SLC11A2: variants seen among roughly 807,000 people sequenced by gnomAD.
SLC11A2 encodes natural resistance-associated macrophage protein 2.
A neutral mutation model predicts 68.0 loss-of-function variants in SLC11A2; 38 were observed. The ratio of observed to expected loss-of-function variants is 0.56; its 90% confidence interval spans 0.43 to 0.73. SLC11A2 has a LOEUF of 0.73. SLC11A2 is among the 30% of genes least tolerant of loss of function. The pLI, the probability that SLC11A2 is intolerant of heterozygous loss-of-function variation, is 0.00. For synonymous variants in SLC11A2, 242 were observed against 250.6 expected (o/e 0.97, Z 0.32); for missense variants, 517 against 690.5 (o/e 0.75, Z 2.82).
chr12:50,981,755 T>C (rs922878721), downstream of SLC11A2: 17 of 1,536,096 alleles, frequency 1.1e-5, no homozygotes, highest in African/African-American at 1.6e-4. Flanking sequence ...TCAGCGTCCA[T>C]GGTGTTCAGA....
At chr12:50,960,123 A>G in the SLC11A2 span, among the ~76,000 whole-genome samples, 1 of 152,248 alleles carries the variant, frequency 6.6e-6, no homozygotes, top group African/African-American at 2.4e-5. Context: ...TAGGAAATAC[A>G]GAAATATTTG....
chr12:51,004,917 A>G lies in SLC11A2; in HGVS notation c.310-10T>C. ...GAAGGATCCAGAGCAACTAAGAAGAACAAAATCTCCTGTAACACTCATTGA... is the reference window on the plus strand; with the variant it reads ...GAAGGATCCAGAGCAACTAAGAAGAGCAAAATCTCCTGTAACACTCATTGA... On this transcript the variant is annotated splice_polypyrimidine_tract_variant and intron_variant, in intron 4 of 15. Transcript: ENST00000262052. 6.2e-7 allele frequency: 1 copy of G among 1,613,948 alleles called. No individual in the cohort carries two copies. Among genetic ancestry groups the G allele is most frequent in the Admixed American group, 1.7e-5 (1 of 60,000 alleles).
chr12:51,000,761 G>A, intron 5 of SLC11A2: 6 of 584,698 alleles, frequency 1.0e-5, no homozygotes, highest in Non-Finnish European at 1.8e-5. Context: ...AAGTTTAGAG[G>A]AGAATAAGGA....
At position 51,000,455 on chromosome 12, in the gene SLC11A2, T is replaced by A. The variant is rs765502465; in HGVS notation, c.430-36A>T. On this transcript the variant is annotated intron_variant, in intron 5 of 15. Transcript: ENST00000262052. ...AACAGTAGAAAGACACGGTTCTGAT[T>A]AATCATTTCTAAAAAATTCCTCCAC... 4 of 1,492,376 alleles carry A rather than the reference T, an allele frequency of 2.7e-6. No individual in the cohort carries two copies. In the Admixed American group the frequency reaches 6.8e-5, roughly 25 times the overall value. 92.4% of individuals were successfully genotyped at this position (1,492,376 alleles called of 1,614,324 possible).
chr12:50,999,253 A>C lies in SLC11A2; in HGVS notation c.608-12T>G, dbSNP rs1380400515. The C allele has an allele frequency of 6.2e-7, 1 of 1,614,100 alleles. No homozygotes were observed. The highest frequency in any genetic ancestry group is 8.5e-7 in the Non-Finnish European group (1 of 1,179,942). Reference sequence around the variant, plus strand: ...TAGCTTCCGCAAGCCTAAAGGAAAAAAGGCAGCAGTGAGCTCAGAGAAGGT... The same window carrying C: ...TAGCTTCCGCAAGCCTAAAGGAAAACAGGCAGCAGTGAGCTCAGAGAAGGT... On this transcript the variant is annotated splice_polypyrimidine_tract_variant and intron_variant, in intron 7 of 15. Transcript: ENST00000262052.
At chr12:51,018,901 T>A (rs1377584559) in intron 1 of SLC11A2, among the ~76,000 whole-genome samples, 1 of 152,224 alleles carries the variant, frequency 6.6e-6, no homozygotes, top group Non-Finnish European at 1.5e-5. Context: ...TAAAATTAAT[T>A]GTAGGTTTAG....
intron 14 of SLC11A2, 183 bp downstream of exon 14, chr12:50,991,416 G>A (rs1941135685): frequency 1.1e-5 from 7 of 622,662 alleles, no homozygotes; most frequent in South Asian, 1.9e-5. Context: ...TATGAAAGAC[G>A]TGCTTTCTCT....
At chr12:50,961,090 G>C in the SLC11A2 span, 1 of 1,613,876 alleles carries the variant, frequency 6.2e-7, no homozygotes. Flanking sequence ...TGTTGTTGGA[G>C]CTGTGACTCT....
chr12:50,996,370 T>C (rs1294462073), intron 9 of SLC11A2, among the ~76,000 whole-genome samples: 1 of 151,960 alleles, frequency 6.6e-6, no homozygotes, highest in Non-Finnish European at 1.5e-5. Flanking sequence ...AGCTCAGGAG[T>C]TCGAGACCAG....
At chr12:50,998,521 C>T (rs1338970240) in intron 8 of SLC11A2, among the ~76,000 whole-genome samples, 1 of 152,190 alleles carries the variant, frequency 6.6e-6, no homozygotes, top group Admixed American at 6.6e-5. Context: ...CTTAAACACT[C>T]TCATATATAC....
intron 9 of SLC11A2, among the ~76,000 whole-genome samples, chr12:50,996,091 C>T (rs1036669339): frequency 2.6e-5 from 4 of 152,162 alleles, no homozygotes; most frequent in South Asian, 2.1e-4. Context: ...CCTATAAAAA[C>T]GACCTGATTT....
the SLC11A2 span, among the ~76,000 whole-genome samples, chr12:50,957,313 C>T: frequency 3.6e-4 from 54 of 151,864 alleles, no homozygotes; most frequent in Non-Finnish European, 5.3e-4. Context: ...TGGGCTCAAG[C>T]GATTCTCGTG....
chr12:50,991,144 A>G (rs1941112636), intron 14 of SLC11A2, among the ~76,000 whole-genome samples, 196 bp from the exon 15 acceptor site: 1 of 152,162 alleles, frequency 6.6e-6, no homozygotes. Context: ...AAGAGGGGGG[A>G]AAAGACACCA....
At chr12:51,010,184 G>A (rs559492009) in intron 2 of SLC11A2, among the ~76,000 whole-genome samples, 21 of 140,112 alleles carry the variant, frequency 1.5e-4, no homozygotes, top group Non-Finnish European at 2.8e-4. Context: ...GCAAAACTCC[G>A]CCTCAAAAAA....
At chr12:50,999,479 C>A in intron 6 of SLC11A2, 64 bp from the exon 7 acceptor site, 1 of 1,278,828 alleles carries the variant, frequency 7.8e-7, no homozygotes, top group Non-Finnish European at 1.1e-6. Flanking sequence ...GAAAAACACT[C>A]TCTTCCCAAC....
chr12:50,962,646 G>A, the SLC11A2 span, among the ~76,000 whole-genome samples: 17 of 152,200 alleles, frequency 1.1e-4, no homozygotes, highest in South Asian at 3.1e-3. Context: ...GCAGTGAGTC[G>A]AAATCATGCC....
downstream of SLC11A2, among the ~76,000 whole-genome samples, chr12:50,978,282 CACAT>C (rs1012402582): frequency 2.0e-5 from 3 of 151,718 alleles, no homozygotes; most frequent in Admixed American, 6.6e-5. Flanking sequence ...GAAAATGTGG[CACAT>C]ACACACCATG....
the SLC11A2 span, among the ~76,000 whole-genome samples, chr12:50,954,652 G>A: frequency 6.6e-6 from 1 of 152,010 alleles, no homozygotes; most frequent in Non-Finnish European, 1.5e-5. Context: ...CTTGAGCTCA[G>A]GAGGTGCAGG....
the SLC11A2 span, among the ~76,000 whole-genome samples, chr12:50,968,261 G>C: frequency 6.6e-6 from 1 of 152,202 alleles, no homozygotes; most frequent in African/African-American, 2.4e-5. Context: ...TAAGGCAGCA[G>C]TTGGGAAGGA....
Sources: allele counts gnomAD v4.1 joint callset (sites outside exome capture counted in the v4.1 genomes callset), GRCh38; gene constraint gnomAD v4.1.1; transcripts MANE v1.5; gene names NCBI Gene and HGNC (gene_info 2026-07-23, HGNC 2026-07-21).